The following FAM240A variants were observed in gnomAD, a reference collection of about 807,000 sequenced individuals.
The protein encoded by FAM240A is family with sequence similarity 240 member A.
A neutral mutation model predicts 7.3 loss-of-function variants in FAM240A; 8 were observed. The ratio of observed to expected loss-of-function variants is 1.09; its 90% CI spans 0.64 to 1.97. FAM240A has a LOEUF of 1.97. Ranked by LOEUF, FAM240A falls within the 30% of genes most tolerant of loss-of-function variation. The pLI, the probability that FAM240A is intolerant of heterozygous loss-of-function variation, is 0.00. For synonymous variants in FAM240A, 32 were observed against 35.9 expected, an observed-to-expected ratio of 0.89 and a Z score of 0.38; for missense variants, 90 against 102.2, an observed-to-expected ratio of 0.88 and a Z score of 0.52.
chr3:46,616,892 A>G (rs1223284026), intron 1 of FAM240A, among the ~76,000 whole-genome samples: 1 of 152,162 alleles, frequency 6.6e-6, no homozygotes, highest in Non-Finnish European at 1.5e-5. Flanking sequence ...GAATTGCTGG[A>G]TCAAATGGTA....
Position 46,617,170 on chromosome 3 carries a change from T to C in FAM240A, c.16-13T>C, listed in dbSNP as rs1052108007. 4.0e-6 allele frequency: 6 copies of C among 1,508,480 alleles called. No homozygotes were observed. In the African/African-American group the frequency reaches 8.3e-5, roughly 21 times the overall value. 93.4% of individuals were successfully genotyped at this position (1,508,480 alleles called of 1,614,324 possible). A position where few individuals can be genotyped will look rare whatever the true frequency, so the allele number is the denominator to read the frequency against. On this transcript the variant is annotated splice_polypyrimidine_tract_variant and intron_variant, in intron 1 of 2. Transcript: ENST00000640551. ...TGTTTTTTGGTTATTTGTATGGCTATTTTCCTTTTTAGGGGATGAACAATC... is the reference window on the plus strand; with the variant it reads ...TGTTTTTTGGTTATTTGTATGGCTACTTTCCTTTTTAGGGGATGAACAATC...
At chr3:46,613,355 G>T (rs1029661496) in intron 1 of FAM240A, among the ~76,000 whole-genome samples, 1 of 151,960 alleles carries the variant, frequency 6.6e-6, no homozygotes, top group Admixed American at 6.6e-5. Context: ...TTAGCCCGGC[G>T]TGGTAGCAGG....
chr3:46,622,082 A>G (rs1260989866), intron 2 of FAM240A, among the ~76,000 whole-genome samples: 1 of 148,610 alleles, frequency 6.7e-6, no homozygotes, highest in Non-Finnish European at 1.5e-5. Flanking sequence ...AATTTTGATC[A>G]AGTCTAATTT....
Position 46,619,569 on chromosome 3 carries a change from T to C in FAM240A, c.161+2241T>C, listed in dbSNP as rs115136291. Among the ~76,000 whole-genome samples, 595 of 152,322 alleles carry C rather than the reference T, an allele frequency of 3.9e-3. 6 individuals carry two copies. Among genetic ancestry groups the C allele is most frequent in the African/African-American group, 0.014 (581 of 41,564 alleles). ...GACACAGATGCTGCCGTCTCCCGCC[T>C]GTCCACTACAGGATCTGAGCGTTTC... On this transcript the variant is annotated intron_variant, in intron 2 of 2. Transcript: ENST00000640551.
intron 1 of FAM240A, 130 bp downstream of exon 1, chr3:46,612,828 G>A: frequency 1.4e-6 from 1 of 732,572 alleles, no homozygotes; most frequent in Non-Finnish European, 2.3e-6. Flanking sequence ...AAGATTAGAT[G>A]GCGTTTTGGG....
In FAM240A at chr3:46,617,167, C is replaced by T; in HGVS notation, c.16-16C>T. On this transcript the variant is annotated splice_polypyrimidine_tract_variant and intron_variant, in intron 1 of 2. Transcript: ENST00000640551. Reference sequence around the variant, plus strand: ...ATATGTTTTTTGGTTATTTGTATGGCTATTTTCCTTTTTAGGGGATGAACA... The same window carrying T: ...ATATGTTTTTTGGTTATTTGTATGGTTATTTTCCTTTTTAGGGGATGAACA... 5 of 1,499,372 alleles carry T rather than the reference C, an allele frequency of 3.3e-6. No individual in the cohort carries two copies. The highest frequency in any genetic ancestry group is 4.4e-6 in the Non-Finnish European group (5 of 1,127,558). The allele number at this position is 1,499,372 out of a possible 1,614,324, so 92.9% of individuals were successfully genotyped here. A position where few individuals can be genotyped will look rare whatever the true frequency, so the allele number is the denominator to read the frequency against.
intron 1 of FAM240A, 39 bp from the exon 2 acceptor site, chr3:46,617,144 A>G: frequency 7.4e-7 from 1 of 1,349,282 alleles, no homozygotes; most frequent in East Asian, 2.6e-5. Flanking sequence ...ATTTCTTCAT[A>G]TGTTTTTTGG....
Position 46,612,630 on chromosome 3 carries a change from G to A in FAM240A, c.-54G>A, listed in dbSNP as rs1426214759. Reference sequence around the variant, plus strand: ...CTGGGGCAGCACAGATGCCTCACAGGCGGTCAAGTGCGACACATTTGGTTC... The same window carrying A: ...CTGGGGCAGCACAGATGCCTCACAGACGGTCAAGTGCGACACATTTGGTTC... On this transcript the variant is annotated 5_prime_UTR_variant, in exon 1 of 3. Coordinates refer to ENST00000640551, the MANE Select transcript of FAM240A (RefSeq NM_001195442.2). The A allele has an allele frequency of 6.7e-7, 1 of 1,492,030 alleles. No individual in the cohort carries two copies. Among genetic ancestry groups the A allele is most frequent in the Admixed American group, 2.0e-5 (1 of 50,932 alleles). The allele number at this position is 1,492,030 out of a possible 1,614,324, so 92.4% of individuals were successfully genotyped here.
chr3:46,617,877 G>A (rs577685885), intron 2 of FAM240A, among the ~76,000 whole-genome samples: 17 of 152,286 alleles, frequency 1.1e-4, no homozygotes, highest in African/African-American at 4.1e-4. Flanking sequence ...CCCTGTTCTG[G>A]CCCAGTGAGT....
intron 1 of FAM240A, among the ~76,000 whole-genome samples, chr3:46,613,352 G>A (rs1015929677): frequency 9.2e-5 from 14 of 152,064 alleles, no homozygotes; most frequent in East Asian, 1.9e-4. Context: ...AAATTAGCCC[G>A]GCGTGGTAGC....
At chr3:46,614,879 A>G (rs1362899301) in intron 1 of FAM240A, among the ~76,000 whole-genome samples, 1 of 152,244 alleles carries the variant, frequency 6.6e-6, no homozygotes, top group Non-Finnish European at 1.5e-5. Flanking sequence ...ATGACATTTA[A>G]TTAGCTCAGA....
intron 1 of FAM240A, among the ~76,000 whole-genome samples, chr3:46,614,189 G>T (rs986930295): frequency 6.6e-5 from 10 of 152,116 alleles, no homozygotes; most frequent in African/African-American, 2.4e-4. Context: ...CTCCCAAAGT[G>T]CTGGGATTAC....
chr3:46,625,728 A>G lies in FAM240A; in HGVS notation c.*510A>G. 1 of 152,068 alleles carries G rather than the reference A, an allele frequency of 6.6e-6. No individual in the cohort carries two copies. Among genetic ancestry groups the G allele is most frequent in the Middle Eastern group, 3.2e-3 (1 of 316 alleles). 9.4% of individuals were successfully genotyped at this position (152,068 alleles called of 1,614,324 possible). A position where few individuals can be genotyped will look rare whatever the true frequency, so the allele number is the denominator to read the frequency against. ...TAGTCAAAGTACAATTTGAAAATAA[A>G]TTGATCTAATATTCTTTTTTCTTCA... is the stretch of plus-strand genomic sequence containing the variant. On this transcript the variant is annotated 3_prime_UTR_variant, in exon 3 of 3. Transcript: ENST00000640551.
At chr3:46,614,239 C>T (rs962780202) in intron 1 of FAM240A, among the ~76,000 whole-genome samples, 1 of 151,960 alleles carries the variant, frequency 6.6e-6, no homozygotes, top group Admixed American at 6.6e-5. Flanking sequence ...ATATTTAATC[C>T]CCTCTTTCTG....
intron 2 of FAM240A, among the ~76,000 whole-genome samples, chr3:46,623,346 G>T (rs1697718409): frequency 6.6e-6 from 1 of 152,034 alleles, no homozygotes; most frequent in Non-Finnish European, 1.5e-5. Flanking sequence ...AATATTCCAT[G>T]TATGTTTGAA....
At chr3:46,615,084 G>A (rs1645017284) in intron 1 of FAM240A, among the ~76,000 whole-genome samples, 1 of 152,166 alleles carries the variant, frequency 6.6e-6, no homozygotes, top group African/African-American at 2.4e-5. Context: ...GAGAACCCAT[G>A]TGACAAACAG....
intron 2 of FAM240A, among the ~76,000 whole-genome samples, chr3:46,618,878 TATATACACACACACAC>T (rs1298208699): frequency 9.5e-5 from 7 of 73,852 alleles, no homozygotes; most frequent in East Asian, 3.0e-4. Context: ...TATATATATA[TATATACACACACACAC>T]ACACACACAC....
At chr3:46,615,723 C>T (rs1015195235) in intron 1 of FAM240A, among the ~76,000 whole-genome samples, 5 of 152,188 alleles carry the variant, frequency 3.3e-5, no homozygotes, top group African/African-American at 1.2e-4. Flanking sequence ...GCAGCCCCTG[C>T]TTTTGAGCTT....
intron 1 of FAM240A, among the ~76,000 whole-genome samples, chr3:46,613,314 C>A (rs576688688): frequency 2.6e-5 from 4 of 151,790 alleles, no homozygotes; most frequent in East Asian, 1.9e-4. Flanking sequence ...GCCAACATGG[C>A]GAAACCCTGT....
Sources: gnomAD v4.1 joint callset for allele counts (sites outside exome capture counted in the v4.1 genomes callset) on GRCh38, gnomAD v4.1.1 for gene constraint, MANE v1.5 for transcripts, NCBI Gene and HGNC (gene_info 2026-07-23, HGNC 2026-07-21) for gene names.